DRG2: variants seen among roughly 807,000 people sequenced by gnomAD.
DRG2 encodes developmentally-regulated GTP-binding protein 2.
A neutral mutation model predicts 53.4 loss-of-function variants in DRG2; 36 were observed. That is an observed-to-expected ratio of 0.67 (90% CI 0.52 to 0.89). The LOEUF (loss-of-function observed/expected upper bound fraction) is 0.89. Ranked by LOEUF, DRG2 falls within the 40% of genes least tolerant of loss-of-function variation. The pLI, the probability that DRG2 is intolerant of heterozygous loss-of-function variation, is 0.00. For missense variants in DRG2, 342 were observed against 481.2 expected, an observed-to-expected ratio of 0.71 and a Z score of 2.71; for synonymous variants, 167 against 192.1, an observed-to-expected ratio of 0.87 and a Z score of 1.08.
Position 18,098,771 on chromosome 17 carries a change from G to A in DRG2, c.316-246G>A, listed in dbSNP as rs896065647. On this transcript the variant is annotated intron_variant, in intron 3 of 12. Transcript: ENST00000225729. The surrounding 1 kb of genome is among the most constrained non-coding windows in gnomAD (Gnocchi z 4.1). Reference sequence around the variant, plus strand: ...GAAACAATTTATTTGTAAAGTGCTGGTATCATCAGTGATGAGTGTTGTGGG... The same window carrying A: ...GAAACAATTTATTTGTAAAGTGCTGATATCATCAGTGATGAGTGTTGTGGG... Among the ~76,000 whole-genome samples the A allele has an allele frequency of 2.0e-5, 3 of 152,196 alleles. No individual in the cohort carries two copies. The highest frequency in any genetic ancestry group is 4.4e-5 in the Non-Finnish European group (3 of 68,040).
Position 18,098,258 on chromosome 17 carries a change from CT to C in DRG2, c.226-8del. Reference sequence around the variant, plus strand: ...CAAGGCTCCTCAGTGCAATGATCTCCTTTTCTCCTAGTCCACATTCTTGAGT... The same window carrying C: ...CAAGGCTCCTCAGTGCAATGATCTCCTTTCTCCTAGTCCACATTCTTGAGT... On this transcript the variant is annotated splice_polypyrimidine_tract_variant and intron_variant, in intron 2 of 12. Coordinates refer to ENST00000225729, the MANE Select transcript of DRG2 (RefSeq NM_001388.5). This position sits in a 1 kb window ranked among gnomAD's most constrained non-coding sequence, Gnocchi z 4.1. 1.2e-6 allele frequency: 2 copies of C among 1,612,870 alleles called. No individual in the cohort carries two copies. The highest frequency in any genetic ancestry group is 1.7e-6 in the Non-Finnish European group (2 of 1,178,990).
In DRG2 at chr17:18,100,913, G is replaced by T. The variant is rs2045521007; in HGVS notation, c.631+254G>T. On this transcript the variant is annotated intron_variant, in intron 7 of 12. Transcript: ENST00000225729. The surrounding 1 kb of genome is among the most constrained non-coding windows in gnomAD (Gnocchi z 4.1). Reference sequence around the variant, plus strand: ...CAGATGACATCCGGAAGAAAAAGATGTCATGGGAAACAGCCTCTGAGGACG... The same window carrying T: ...CAGATGACATCCGGAAGAAAAAGATTTCATGGGAAACAGCCTCTGAGGACG... 6.6e-6 allele frequency among the ~76,000 whole-genome samples: 1 copy of T among 152,194 alleles called. No homozygotes were observed. The highest frequency in any genetic ancestry group is 1.5e-5 in the Non-Finnish European group (1 of 68,042).
At position 18,103,633 on chromosome 17, in the gene DRG2, T is replaced by C. The variant is rs537860401; in HGVS notation, c.807-168T>C. Among the ~76,000 whole-genome samples the C allele has an allele frequency of 1.3e-5, 2 of 152,268 alleles. No individual in the cohort carries two copies. Among genetic ancestry groups the C allele is most frequent in the South Asian group, 4.1e-4 (2 of 4,824 alleles). On this transcript the variant is annotated intron_variant, in intron 9 of 12. Transcript: ENST00000225729. This position sits in a 1 kb window ranked among gnomAD's most constrained non-coding sequence, Gnocchi z 4.4. ...GACCATGATTGGTGCCCAGAGGCAC[T>C]GGCAGCAGAAACATCAGGCTGCCAT...
chr17:18,103,938 G>A lies in DRG2; in HGVS notation c.895+49G>A, dbSNP rs1424907434. The A allele has an allele frequency of 1.9e-6, 3 of 1,588,660 alleles. No homozygotes were observed. In the African/African-American group the frequency reaches 4.0e-5, roughly 21 times the overall value. On this transcript the variant is annotated intron_variant, in intron 10 of 12. Coordinates refer to ENST00000225729, the MANE Select transcript of DRG2 (RefSeq NM_001388.5). The surrounding 1 kb of genome is among the most constrained non-coding windows in gnomAD (Gnocchi z 4.4). ...AAAAACAGGCTGAGCTTCATCCCTA[G>A]AAGGCTGCCAGGCCGGTGTGTGGTG...
chr17:18,101,703 A>C (rs1597727099), intron 8 of DRG2, 113 bp downstream of exon 8: 2 of 1,080,590 alleles, frequency 1.9e-6, no homozygotes, highest in Non-Finnish European at 2.7e-6. Context: ...CTCTCCCCTC[A>C]CCTCACCTCA....
At position 18,100,250 on chromosome 17, in the gene DRG2, G is replaced by A. The variant is rs1013126478; in HGVS notation, c.468-113G>A. ...GTGTTCTCTGGGTTGCTGGGGAAGG[G>A]GGTGGAGGAGAGAGTCAGTCTCTGG... On this transcript the variant is annotated intron_variant, in intron 5 of 12. Transcript: ENST00000225729. This position sits in a 1 kb window ranked among gnomAD's most constrained non-coding sequence, Gnocchi z 4.1. 2 of 1,079,280 alleles carry A rather than the reference G, an allele frequency of 1.9e-6. No individual in the cohort carries two copies. Among genetic ancestry groups the A allele is most frequent in the Admixed American group, 1.7e-5 (1 of 58,052 alleles). The allele number at this position is 1,079,280 out of a possible 1,614,324, so 66.9% of individuals were successfully genotyped here.
Position 18,088,071 on chromosome 17 carries a change from G to T in DRG2, c.48G>T (p.Arg16=). 3.9e-6 allele frequency: 6 copies of T among 1,548,768 alleles called. No individual in the cohort carries two copies. The highest frequency in any genetic ancestry group is 1.2e-5 in the South Asian group (1 of 83,470). The change falls in exon 1 of 13, where the codon CGG becomes CGT. Residue 16 remains arginine, a synonymous_variant. Coordinates refer to ENST00000225729, the MANE Select transcript of DRG2 (RefSeq NM_001388.5). ...KISEIEKEIA[R]TQKNKATEYH... ...CGGAGATCGAGAAGGAGATCGCTCGGACACAGAAGAACAAGGGTGAGGGCC... is the reference window on the plus strand; with the variant it reads ...CGGAGATCGAGAAGGAGATCGCTCGTACACAGAAGAACAAGGGTGAGGGCC...
intron 11 of DRG2, chr17:18,106,220 G>C (rs1457343816): frequency 1.7e-6 from 1 of 595,634 alleles, no homozygotes; most frequent in Non-Finnish European, 3.1e-6. Context: ...GGCAGATCAG[G>C]AGTGGGAATG....
intron 9 of DRG2, among the ~76,000 whole-genome samples, chr17:18,102,620 C>CAA (rs60412520): frequency 2.6e-5 from 2 of 77,984 alleles, no homozygotes; most frequent in South Asian, 4.9e-4. Context: ...GACTCCATCT[C>CAA]AAAAAAAAAA....
chr17:18,106,882 A>C (rs538945882), intron 12 of DRG2, among the ~76,000 whole-genome samples: 1 of 152,028 alleles, frequency 6.6e-6, no homozygotes, highest in South Asian at 2.1e-4. Flanking sequence ...AGGTTTCGCT[A>C]TCTGGCCCAG....
At position 18,098,897 on chromosome 17, in the gene DRG2, G is replaced by T; in HGVS notation, c.316-120G>T. 1.8e-6 allele frequency: 2 copies of T among 1,124,336 alleles called. No homozygotes were observed. Among genetic ancestry groups the T allele is most frequent in the Non-Finnish European group, 2.6e-6 (2 of 774,068 alleles). 69.6% of individuals were successfully genotyped at this position (1,124,336 alleles called of 1,614,324 possible). A position where few individuals can be genotyped will look rare whatever the true frequency, so the allele number is the denominator to read the frequency against. ...CAAGGCTCAGACTTGGCCACAGGTTGGCATCTGGGTTTCCCTCAGCCCCTG... is the reference window on the plus strand; with the variant it reads ...CAAGGCTCAGACTTGGCCACAGGTTTGCATCTGGGTTTCCCTCAGCCCCTG... On this transcript the variant is annotated intron_variant, in intron 3 of 12. Coordinates refer to ENST00000225729, the MANE Select transcript of DRG2 (RefSeq NM_001388.5). The surrounding 1 kb of genome is among the most constrained non-coding windows in gnomAD (Gnocchi z 4.1).
chr17:18,091,605 C>T (rs889656759), intron 1 of DRG2, among the ~76,000 whole-genome samples: 2 of 151,978 alleles, frequency 1.3e-5, no homozygotes, highest in Non-Finnish European at 2.9e-5. Context: ...ACCTGTAATT[C>T]CAGCATTTTG....
At position 18,095,232 on chromosome 17, in the gene DRG2, G is replaced by A. The variant is rs572947880; in HGVS notation, c.225+1259G>A. On this transcript the variant is annotated intron_variant, in intron 2 of 12. Coordinates refer to ENST00000225729, the MANE Select transcript of DRG2 (RefSeq NM_001388.5). The stretch of plus-strand genomic sequence containing the variant: ...TCACCACGTTCGCCAGGCTGGTCTC[G>A]AACTTCTGACCTCAGGTGATCCGCC... 7.3e-5 allele frequency among the ~76,000 whole-genome samples: 11 copies of A among 151,556 alleles called. No homozygotes were observed. The East Asian group carries it at 1.2e-3, about 16-fold the overall frequency.
intron 2 of DRG2, among the ~76,000 whole-genome samples, chr17:18,094,671 A>G (rs561984686): frequency 1.3e-5 from 2 of 152,232 alleles, no homozygotes; most frequent in African/African-American, 4.8e-5. Flanking sequence ...ATGAAACTGC[A>G]GAGTTTTTAG....
chr17:18,107,081 C>T (rs746784794), intron 12 of DRG2, 73 bp from the exon 13 acceptor site: 50 of 1,414,164 alleles, frequency 3.5e-5, no homozygotes, highest in Admixed American at 8.4e-5. Flanking sequence ...AGGACACACA[C>T]GCCCAGGGAT....
Position 18,100,777 on chromosome 17 carries a change from C to A in DRG2, c.631+118C>A. The A allele has an allele frequency of 1.0e-6, 1 of 973,094 alleles. No individual in the cohort carries two copies. The highest frequency in any genetic ancestry group is 1.6e-6 in the Non-Finnish European group (1 of 639,366). The allele number at this position is 973,094 out of a possible 1,614,324, so 60.3% of individuals were successfully genotyped here. ...GTGGCAGCAGGTCACCCCCACTGCC[C>A]CTGCTGTCCATTCAAGTAGCCTCTG... On this transcript the variant is annotated intron_variant, in intron 7 of 12. Coordinates refer to ENST00000225729, the MANE Select transcript of DRG2 (RefSeq NM_001388.5). This position sits in a 1 kb window ranked among gnomAD's most constrained non-coding sequence, Gnocchi z 4.1.
Position 18,100,723 on chromosome 17 carries a change from G to A in DRG2, c.631+64G>A, listed in dbSNP as rs2045518018. 13 of 1,504,236 alleles carry A rather than the reference G, an allele frequency of 8.6e-6. No homozygotes were observed. Among genetic ancestry groups the A allele is most frequent in the Non-Finnish European group, 1.2e-5 (13 of 1,104,920 alleles). The allele number at this position is 1,504,236 out of a possible 1,614,324, so 93.2% of individuals were successfully genotyped here. The stretch of plus-strand genomic sequence containing the variant: ...CCACCGTCAGCGCAGCGGGGGGACT[G>A]ACTAAGACAGGAGGCCTCATGGAGC... On this transcript the variant is annotated intron_variant, in intron 7 of 12. Coordinates refer to ENST00000225729, the MANE Select transcript of DRG2 (RefSeq NM_001388.5). The surrounding 1 kb of genome is among the most constrained non-coding windows in gnomAD (Gnocchi z 4.1).
chr17:18,106,121 C>T (rs1049835484), intron 11 of DRG2: 57 of 428,760 alleles, frequency 1.3e-4, no homozygotes, highest in Non-Finnish European at 1.5e-4. Flanking sequence ...AGCATCTGTT[C>T]AGGCAAGGCA....
In DRG2 at chr17:18,103,704, G is replaced by A. The variant is rs2045578017; in HGVS notation, c.807-97G>A. 2.6e-6 allele frequency: 3 copies of A among 1,150,968 alleles called. No homozygotes were observed. Among genetic ancestry groups the A allele is most frequent in the South Asian group, 1.2e-5 (1 of 80,260 alleles). The allele number at this position is 1,150,968 out of a possible 1,614,324, so 71.3% of individuals were successfully genotyped here. A position where few individuals can be genotyped will look rare whatever the true frequency, so the allele number is the denominator to read the frequency against. On this transcript the variant is annotated intron_variant, in intron 9 of 12. Coordinates refer to ENST00000225729, the MANE Select transcript of DRG2 (RefSeq NM_001388.5). The surrounding 1 kb of genome is among the most constrained non-coding windows in gnomAD (Gnocchi z 4.4). ...CCTGTGGGTACCAGCGGGCCACCTGGCCAGTGGAGGTTATCCGCTCCAATA... is the reference window on the plus strand; with the variant it reads ...CCTGTGGGTACCAGCGGGCCACCTGACCAGTGGAGGTTATCCGCTCCAATA...
Sources: allele counts gnomAD v4.1 joint callset (sites outside exome capture counted in the v4.1 genomes callset), GRCh38; gene constraint gnomAD v4.1.1; non-coding constraint Gnocchi (gnomAD v3.1); transcripts MANE v1.5; gene names NCBI Gene and HGNC (gene_info 2026-07-23, HGNC 2026-07-21).